Variants in ADARB1 observed in about 807,000 individuals in gnomAD.
ADARB1 encodes double-stranded RNA-specific editase 1.
ADARB1 carries 10 observed loss-of-function variants against 52.4 expected under a neutral mutation model. The ratio of observed to expected loss-of-function variants is 0.19; its 90% CI spans 0.12 to 0.32. ADARB1 has a LOEUF of 0.32. ADARB1 is among the 10% of genes least tolerant of loss of function. The pLI, the probability that ADARB1 is intolerant of heterozygous loss-of-function variation, is 1.00. For synonymous variants in ADARB1, 349 were observed against 371.1 expected (o/e 0.94, Z 0.68); for missense variants, 643 against 922.3 (o/e 0.70, Z 3.92).
Position 45,182,688 on chromosome 21 carries a change from T to C in ADARB1, c.1182T>C (p.His394=). The change falls in exon 6 of 11, where the codon CAT becomes CAC. Residue 394 remains histidine, a synonymous_variant. Transcript: ENST00000348831. ...GTGGCCTTGCATTAAATGACTGCCA[T>C]GCAGAAATAATATCTCGGAGATCCT... ...SDRGLALNDC[H]AEIISRRSLL... The C allele has an allele frequency of 1.2e-6, 2 of 1,612,300 alleles. No individual in the cohort carries two copies. The highest frequency in any genetic ancestry group is 1.7e-6 in the Non-Finnish European group (2 of 1,179,420).
chr21:45,194,919 C>G (rs967807178), intron 8 of ADARB1, among the ~76,000 whole-genome samples: 4 of 152,144 alleles, frequency 2.6e-5, no homozygotes, highest in Admixed American at 2.6e-4. Context: ...TTTTCAAGTC[C>G]TTTGGGTAAG....
intron 1 of ADARB1, among the ~76,000 whole-genome samples, chr21:45,076,744 T>C (rs1270169158): frequency 1.3e-5 from 2 of 152,230 alleles, no homozygotes; most frequent in Non-Finnish European, 2.9e-5. Context: ...TTTTAGATTT[T>C]TGGAATAAGA....
chr21:45,173,775 A>G (rs1225642931), intron 3 of ADARB1, among the ~76,000 whole-genome samples: 1 of 151,396 alleles, frequency 6.6e-6, no homozygotes, highest in Non-Finnish European at 1.5e-5. Context: ...TAACCTATCG[A>G]GCTTTTGCTG....
intron 8 of ADARB1, among the ~76,000 whole-genome samples, chr21:45,193,998 T>G (rs1265295935): frequency 6.6e-6 from 1 of 152,132 alleles, no homozygotes; most frequent in Non-Finnish European, 1.5e-5. Context: ...CATATGGAAA[T>G]GCAAAGGACA....
At position 45,117,586 on chromosome 21, in the gene ADARB1, A is replaced by C. The variant is rs12483285; in HGVS notation, c.-219-10816A>C. Among the ~76,000 whole-genome samples the C allele has an allele frequency of 3.1e-3, 477 of 151,904 alleles. 5 individuals carry two copies. The highest frequency in any genetic ancestry group is 0.014 in the Middle Eastern group (4 of 294). On this transcript the variant is annotated intron_variant, in intron 1 of 10. Coordinates refer to ENST00000348831, the MANE Select transcript of ADARB1 (RefSeq NM_001112.4). ...GTTCTTTCACAGTTAAAAAAAAAAA[A>C]GCTTCTTTAAAATTCTGACTTTATA...
rs1465363694 is a variant in ADARB1 at position 45,157,447 on chromosome 21, T to C, written c.-47-14163T>C. ...GTTAAGTAGAGCAAAGTGGACAGTC[T>C]TTCAAATGCATTGCTGCTGCGTTTG... On this transcript the variant is annotated intron_variant, in intron 2 of 10. Coordinates refer to ENST00000348831, the MANE Select transcript of ADARB1 (RefSeq NM_001112.4). The surrounding 1 kb of genome is among the most constrained non-coding windows in gnomAD (Gnocchi z 4.1). 1.3e-5 allele frequency among the ~76,000 whole-genome samples: 2 copies of C among 152,148 alleles called. No individual in the cohort carries two copies. Among genetic ancestry groups the C allele is most frequent in the Admixed American group, 6.6e-5 (1 of 15,240 alleles).
intron 2 of ADARB1, among the ~76,000 whole-genome samples, chr21:45,147,593 A>T (rs1049237503): frequency 2.6e-5 from 4 of 152,202 alleles, no homozygotes; most frequent in Non-Finnish European, 1.5e-5. Flanking sequence ...TCTTTTACCA[A>T]AATGGGTCAT....
intron 2 of ADARB1, among the ~76,000 whole-genome samples, chr21:45,154,931 C>T (rs1338477501): frequency 6.6e-6 from 1 of 152,206 alleles, no homozygotes; most frequent in Non-Finnish European, 1.5e-5. Flanking sequence ...GCTGTAGCCT[C>T]ATTCACTCAC....
chr21:45,221,531 T>G lies in ADARB1; in HGVS notation c.1927-487T>G, dbSNP rs9974131. ...CATCTGTTTATTCTGAGACCAGCAT[T>G]GTGCACTGGCATGGGAGGTATAGCC... is the stretch of plus-strand genomic sequence containing the variant. On this transcript the variant is annotated intron_variant, in intron 10 of 10. Coordinates refer to ENST00000348831, the MANE Select transcript of ADARB1 (RefSeq NM_001112.4). This position sits in a 1 kb window ranked among gnomAD's most constrained non-coding sequence, Gnocchi z 4.9. Among the ~76,000 whole-genome samples, 2,373 of 152,292 alleles carry G rather than the reference T, an allele frequency of 0.016. 57 individuals are homozygous for G. The highest frequency in any genetic ancestry group is 0.054 in the African/African-American group (2,224 of 41,550).
intron 8 of ADARB1, among the ~76,000 whole-genome samples, 172 bp downstream of exon 8, chr21:45,185,263 G>A (rs971729230): frequency 3.3e-5 from 5 of 152,226 alleles, no homozygotes; most frequent in African/African-American, 4.8e-5. Context: ...TGGGACCCCC[G>A]TGAGGGGCAG....
chr21:45,225,227 G>A lies in ADARB1; in HGVS notation c.*3030G>A, dbSNP rs903996499. On this transcript the variant is annotated 3_prime_UTR_variant, in exon 11 of 11. Coordinates refer to ENST00000348831, the MANE Select transcript of ADARB1 (RefSeq NM_001112.4). ...GGTGTGTTCTGTGCCATGAGGCAGC[G>A]ACAGGTCCAGATGGATGTCGTCACC... 1.3e-5 allele frequency: 14 copies of A among 1,096,336 alleles called. No homozygotes were observed. The African/African-American group carries it at 1.3e-4, about 10-fold the overall frequency. The allele number at this position is 1,096,336 out of a possible 1,614,324, so 67.9% of individuals were successfully genotyped here.
chr21:45,157,260 T>C lies in ADARB1; in HGVS notation c.-47-14350T>C, dbSNP rs1374524573. The stretch of plus-strand genomic sequence containing the variant: ...TAGATTTGTGAAATTGCACTTGAAA[T>C]ACCATGGAAATTGGATCCAAAGCAG... On this transcript the variant is annotated intron_variant, in intron 2 of 10. Coordinates refer to ENST00000348831, the MANE Select transcript of ADARB1 (RefSeq NM_001112.4). This position sits in a 1 kb window ranked among gnomAD's most constrained non-coding sequence, Gnocchi z 4.1. Among the ~76,000 whole-genome samples the C allele has an allele frequency of 1.3e-5, 2 of 152,256 alleles. No individual in the cohort carries two copies. Among genetic ancestry groups the C allele is most frequent in the African/African-American group, 4.8e-5 (2 of 41,468 alleles).
Position 45,161,277 on chromosome 21 carries a change from G to T in ADARB1, c.-47-10333G>T, listed in dbSNP as rs926269316. ...TGCCATCCTGGGCACAGCTGCAGCC[G>T]TCCATTAGAAGCTGTGGACCCAGGC... On this transcript the variant is annotated intron_variant, in intron 2 of 10. Transcript: ENST00000348831. Among the ~76,000 whole-genome samples the T allele has an allele frequency of 3.1e-4, 47 of 152,204 alleles. 1 individual carries two copies. Among genetic ancestry groups the T allele is most frequent in the Admixed American group, 3.1e-3 (47 of 15,292 alleles).
At chr21:45,162,720 G>A (rs2091038224) in intron 2 of ADARB1, among the ~76,000 whole-genome samples, 1 of 152,200 alleles carries the variant, frequency 6.6e-6, no homozygotes, top group Non-Finnish European at 1.5e-5. Context: ...CTTCATGCAG[G>A]TGCTGTGCTA....
In ADARB1 at chr21:45,226,170, A is replaced by T. The variant is rs1033186103; in HGVS notation, c.*3973A>T. On this transcript the variant is annotated 3_prime_UTR_variant, in exon 11 of 11. Transcript: ENST00000348831. ...TTACTGTTTGAAGGGACGAGTACCAAGCCACAAGAACACTTCTTTTGGCCA... is the reference window on the plus strand; with the variant it reads ...TTACTGTTTGAAGGGACGAGTACCATGCCACAAGAACACTTCTTTTGGCCA... 6.6e-6 allele frequency: 1 copy of T among 152,396 alleles called. No individual in the cohort carries two copies. Among genetic ancestry groups the T allele is most frequent in the Admixed American group, 6.5e-5 (1 of 15,280 alleles). 9.4% of individuals were successfully genotyped at this position (152,396 alleles called of 1,614,324 possible).
chr21:45,216,539 A>G (rs1390575498), intron 9 of ADARB1, among the ~76,000 whole-genome samples: 1 of 152,132 alleles, frequency 6.6e-6, no homozygotes, highest in Non-Finnish European at 1.5e-5. Flanking sequence ...TAGGGATTTT[A>G]CAGAGATCTT....
chr21:45,215,807 T>C (rs1228830888), intron 9 of ADARB1, among the ~76,000 whole-genome samples: 1 of 152,252 alleles, frequency 6.6e-6, no homozygotes, highest in Non-Finnish European at 1.5e-5. Context: ...TATTGGGCTA[T>C]CATTTTAGTT....
chr21:45,199,723 C>T (rs977399097), intron 8 of ADARB1, among the ~76,000 whole-genome samples: 1 of 152,174 alleles, frequency 6.6e-6, no homozygotes, highest in Non-Finnish European at 1.5e-5. Flanking sequence ...TTTACTATAA[C>T]CCACATATTT....
chr21:45,147,600 T>G lies in ADARB1; in HGVS notation c.-48+19027T>G, dbSNP rs117462186. 3.9e-3 allele frequency among the ~76,000 whole-genome samples: 587 copies of G among 152,000 alleles called. 5 individuals are homozygous for G. Among genetic ancestry groups the G allele is most frequent in the East Asian group, 0.01 (54 of 5,146 alleles). On this transcript the variant is annotated intron_variant, in intron 2 of 10. Coordinates refer to ENST00000348831, the MANE Select transcript of ADARB1 (RefSeq NM_001112.4). ...CACACGCCTCTTTTACCAAAATGGGTCATCTTATCTGTCTCAGGCCAGGCC... is the reference window on the plus strand; with the variant it reads ...CACACGCCTCTTTTACCAAAATGGGGCATCTTATCTGTCTCAGGCCAGGCC...
Sources: gnomAD v4.1 joint callset for allele counts (sites outside exome capture counted in the v4.1 genomes callset) on GRCh38, gnomAD v4.1.1 for gene constraint, Gnocchi (gnomAD v3.1) non-coding constraint, MANE v1.5 for transcripts, NCBI Gene and HGNC (gene_info 2026-07-23, HGNC 2026-07-21) for gene names.